The following SELP variants were observed in gnomAD, a reference collection of about 807,000 sequenced individuals.
SELP encodes selectin P.
SELP carries 92 observed loss-of-function variants against 104.1 expected under a neutral mutation model. The observed-to-expected ratio is 0.88, with a 90% confidence interval of 0.75 to 1.05. The LOEUF (loss-of-function observed/expected upper bound fraction) is 1.05. Ranked by LOEUF, SELP falls within the 50% of genes least tolerant of loss-of-function variation. The pLI is 0.00. For missense variants in SELP, 1,022 were observed against 1,017.3 expected, an observed-to-expected ratio of 1.00 and a Z score of -0.06; for synonymous variants, 397 against 364.5, an observed-to-expected ratio of 1.09 and a Z score of -1.01.
chr1:169,604,321 G>A (rs1051517140), intron 9 of SELP, among the ~76,000 whole-genome samples: 2 of 151,868 alleles, frequency 1.3e-5, no homozygotes, highest in Admixed American at 6.5e-5. Flanking sequence ...TTGTAAATTT[G>A]TTTGAGTTCA....
intron 1 of SELP, among the ~76,000 whole-genome samples, chr1:169,620,951 G>C (rs993948565): frequency 1.7e-4 from 23 of 133,380 alleles, no homozygotes; most frequent in African/African-American, 7.0e-4. Flanking sequence ...GTGGGGTTCT[G>C]TGTGTGTGTG....
chr1:169,613,763 G>A, intron 3 of SELP, 70 bp from the exon 4 acceptor site: 1 of 1,280,578 alleles, frequency 7.8e-7, no homozygotes, highest in Non-Finnish European at 1.1e-6. Flanking sequence ...TTCTCGTTTT[G>A]ACCACAGACT....
At chr1:169,624,466 C>T (rs1408421679) in intron 1 of SELP, among the ~76,000 whole-genome samples, 7 of 152,106 alleles carry the variant, frequency 4.6e-5, no homozygotes, top group African/African-American at 1.7e-4. Context: ...TAATAAAGAA[C>T]TGGGCTGGTG....
Position 169,596,999 on chromosome 1 carries a change from G to T in SELP, c.1883C>A (p.Thr628Asn). The T allele has an allele frequency of 6.2e-7, 1 of 1,611,200 alleles. No individual in the cohort carries two copies. Among genetic ancestry groups the T allele is most frequent in the Non-Finnish European group, 8.5e-7 (1 of 1,178,556 alleles). Residue 628 changes from threonine to asparagine, a missense_variant, in exon 11 of 17, where the codon ACC becomes AAC. Transcript: ENST00000263686. ...TSGRWSATPP[T>N]CKGIASLPTP... ...CAAGTACATATTATTACCTTTGCAG[G>T]TTGGTGGAGTAGCTGACCATCTTCC...
intron 14 of SELP, among the ~76,000 whole-genome samples, chr1:169,592,485 G>A (rs1482513479): frequency 2.0e-5 from 3 of 152,002 alleles, no homozygotes; most frequent in Non-Finnish European, 4.4e-5. Context: ...TCTCTCTGAT[G>A]CCCCCAGTTA....
At chr1:169,613,738 T>C (rs776102577) in intron 3 of SELP, 45 bp from the exon 4 acceptor site, 13 of 1,526,036 alleles carry the variant, frequency 8.5e-6, no homozygotes, top group South Asian at 2.2e-5. Context: ...TTCACAGATG[T>C]GAGGAAAGGC....
At chr1:169,599,165 A>G (rs1321192513) in intron 10 of SELP, among the ~76,000 whole-genome samples, 1 of 152,172 alleles carries the variant, frequency 6.6e-6, no homozygotes, top group Non-Finnish European at 1.5e-5. Flanking sequence ...GATGAGTTAC[A>G]TGGAAGCCTA....
At chr1:169,609,763 G>A in intron 7 of SELP, 74 bp from the exon 8 acceptor site, 1 of 1,370,224 alleles carries the variant, frequency 7.3e-7, no homozygotes, top group East Asian at 2.4e-5. Flanking sequence ...ATTCCTAGAT[G>A]CTATATCTTT....
chr1:169,591,342 G>A, intron 15 of SELP, 84 bp downstream of exon 15: 1 of 853,382 alleles, frequency 1.2e-6, no homozygotes, highest in East Asian at 2.7e-5. Context: ...GGCAGGCATT[G>A]CATGTAATCA....
chr1:169,623,081 C>A (rs1275662932), intron 1 of SELP, among the ~76,000 whole-genome samples: 1 of 152,074 alleles, frequency 6.6e-6, no homozygotes, highest in Non-Finnish European at 1.5e-5. Flanking sequence ...CATAGTGTTC[C>A]AGGATATTTT....
intron 14 of SELP, among the ~76,000 whole-genome samples, chr1:169,592,937 T>C (rs3917835): frequency 0.03 from 4,618 of 152,274 alleles, 232 homozygotes; most frequent in African/African-American, 0.1. Context: ...CCATTTTCTC[T>C]GATGGAACTC....
At chr1:169,599,340 C>T (rs1241523485) in intron 10 of SELP, among the ~76,000 whole-genome samples, 1 of 137,244 alleles carries the variant, frequency 7.3e-6, no homozygotes, top group Non-Finnish European at 1.5e-5. Flanking sequence ...TATTCTTGAG[C>T]CTACTCTAAA....
In SELP at chr1:169,606,967, C is replaced by T; in HGVS notation, c.1501G>A (p.Val501Ile). Residue 501 changes from valine to isoleucine, a missense_variant, in exon 9 of 17, where the codon GTT becomes ATT. Coordinates refer to ENST00000263686, the MANE Select transcript of SELP (RefSeq NM_003005.4). ...QCLATGNWNS[V>I]PPECQAIPCT... ...CTCTTACCTTGGCATTCTGGAGGAA[C>T]AGAATTCCAGTTTCCAGTAGCCAAG... is the stretch of plus-strand genomic sequence containing the variant. 1.2e-6 allele frequency: 2 copies of T among 1,613,082 alleles called. No individual in the cohort carries two copies. Among genetic ancestry groups the T allele is most frequent in the Non-Finnish European group, 1.7e-6 (2 of 1,179,554 alleles).
intron 15 of SELP, among the ~76,000 whole-genome samples, chr1:169,591,024 T>C (rs545640639): frequency 1.3e-5 from 2 of 152,196 alleles, no homozygotes; most frequent in East Asian, 3.9e-4. Context: ...TTTACCGGAG[T>C]TGTTCACCAT....
chr1:169,590,452 TC>T (rs1661300828), intron 15 of SELP, among the ~76,000 whole-genome samples: 1 of 152,244 alleles, frequency 6.6e-6, no homozygotes, highest in African/African-American at 2.4e-5. Flanking sequence ...TGTTATACCC[TC>T]TAAGTTGCTG....
At chr1:169,616,890 G>T in intron 3 of SELP, 138 bp downstream of exon 3, 1 of 892,392 alleles carries the variant, frequency 1.1e-6, no homozygotes. Context: ...CAATAATACT[G>T]ATTGACTAAC....
rs139488015 is a variant in SELP at position 169,600,532 on chromosome 1, C to T, written c.1705+2494G>A. Among the ~76,000 whole-genome samples, 838 of 152,256 alleles carry T rather than the reference C, an allele frequency of 5.5e-3. 6 individuals are homozygous for T. The highest frequency in any genetic ancestry group is 0.022 in the South Asian group (105 of 4,824). On this transcript the variant is annotated intron_variant, in intron 10 of 16. Coordinates refer to ENST00000263686, the MANE Select transcript of SELP (RefSeq NM_003005.4). Reference sequence around the variant, plus strand: ...CCACATCCCAGAGGGCCCAGGGAACCGGCATTCTAACTAAAGTGGAACTAT... The same window carrying T: ...CCACATCCCAGAGGGCCCAGGGAACTGGCATTCTAACTAAAGTGGAACTAT...
chr1:169,617,857 C>A (rs1473759261), intron 2 of SELP, among the ~76,000 whole-genome samples: 1 of 152,200 alleles, frequency 6.6e-6, no homozygotes, highest in Non-Finnish European at 1.5e-5. Flanking sequence ...GTTGGTCCAG[C>A]CTCATTGCCC....
At chr1:169,594,999 A>G in intron 12 of SELP, 122 bp from the exon 13 acceptor site, 3 of 775,210 alleles carry the variant, frequency 3.9e-6, no homozygotes, top group South Asian at 1.9e-5. Context: ...CAGAAAGGAT[A>G]TGAGCCACTT....
Sources: gnomAD v4.1 joint callset for allele counts (sites outside exome capture counted in the v4.1 genomes callset) on GRCh38, gnomAD v4.1.1 for gene constraint, MANE v1.5 for transcripts, NCBI Gene and HGNC (gene_info 2026-07-23, HGNC 2026-07-21) for gene names.